PIAS2: variants seen among roughly 807,000 people sequenced by gnomAD.
PIAS2 encodes E3 SUMO-protein ligase PIAS2.
PIAS2 carries 19 observed loss-of-function variants against 69.7 expected under a neutral mutation model. The observed-to-expected ratio is 0.27, with a 90% CI of 0.19 to 0.40. PIAS2 has a LOEUF of 0.40. Among genes scored for constraint, PIAS2 ranks in the 10% least tolerant of loss-of-function variants. The pLI is 1.00. For missense variants in PIAS2, 624 were observed against 757.0 expected (o/e 0.82, Z 2.06); for synonymous variants, 261 against 263.2 (o/e 0.99, Z 0.08).
intron 3 of PIAS2, among the ~76,000 whole-genome samples, chr18:46,859,880 A>G (rs983726471): frequency 6.6e-6 from 1 of 152,226 alleles, no homozygotes; most frequent in Non-Finnish European, 1.5e-5. Flanking sequence ...GCAAGAAGAG[A>G]ATCCCAGATT....
intron 1 of PIAS2, among the ~76,000 whole-genome samples, chr18:46,913,653 G>C (rs1490794132): frequency 6.6e-6 from 1 of 152,014 alleles, no homozygotes; most frequent in Non-Finnish European, 1.5e-5. Context: ...TTAAAGTGTA[G>C]CAGGGACCTT....
intron 5 of PIAS2, chr18:46,852,529 A>G (rs2047118200): frequency 6.6e-6 from 1 of 152,228 alleles, no homozygotes; most frequent in South Asian, 2.1e-4. Context: ...TATGTTCACA[A>G]ATAGTCTAAT....
At chr18:46,818,275 C>A (rs2041782586) in intron 12 of PIAS2, 1 of 1,319,806 alleles carries the variant, frequency 7.6e-7, no homozygotes, top group Middle Eastern at 2.9e-4. Context: ...GCACCATTCG[C>A]ACCTGACAAT....
At chr18:46,880,588 C>T (rs1049339462) in intron 2 of PIAS2, among the ~76,000 whole-genome samples, 2 of 151,850 alleles carry the variant, frequency 1.3e-5, no homozygotes, top group African/African-American at 2.4e-5. Context: ...GTGAGACCCC[C>T]GTCTACTAAA....
chr18:46,863,057 T>C (rs974813972), intron 3 of PIAS2, among the ~76,000 whole-genome samples: 1 of 152,148 alleles, frequency 6.6e-6, no homozygotes, highest in African/African-American at 2.4e-5. Flanking sequence ...TTTCCTTTTC[T>C]TTCTTCTTAC....
rs1232091894 is a variant in PIAS2, at chr18:46,917,474, G to A, written c.-129C>T. 2.5e-6 allele frequency: 3 copies of A among 1,210,076 alleles called. No homozygotes were observed. The highest frequency in any genetic ancestry group is 2.1e-6 in the Non-Finnish European group (2 of 970,026). The allele number at this position is 1,210,076 out of a possible 1,614,324, so 75.0% of individuals were successfully genotyped here. On this transcript the variant is annotated 5_prime_UTR_variant, in exon 1 of 14. Transcript: ENST00000585916. ...TGCACTGGGCGCCGCTTAAGACGCC[G>A]CGGCCGCCGCCGCTACAGCCGGGCC...
intron 5 of PIAS2, among the ~76,000 whole-genome samples, chr18:46,849,710 G>A (rs2046682106): frequency 1.3e-5 from 2 of 152,060 alleles, no homozygotes; most frequent in Admixed American, 6.6e-5. Context: ...TTCTAACAAA[G>A]ATTTACTTTT....
At position 46,812,348 on chromosome 18, in the gene PIAS2, A is replaced by G. The variant is rs2041057159; in HGVS notation, c.*85T>C. 5 of 807,536 alleles carry G rather than the reference A, an allele frequency of 6.2e-6. No homozygotes were observed. In the East Asian group the frequency reaches 1.1e-4, roughly 18 times the overall value. The allele number at this position is 807,536 out of a possible 1,614,324, so 50.0% of individuals were successfully genotyped here. A position where few individuals can be genotyped will look rare whatever the true frequency, so the allele number is the denominator to read the frequency against. On this transcript the variant is annotated 3_prime_UTR_variant, in exon 14 of 14. Transcript: ENST00000585916. ...CAATAAATACCAAATTATTAAAAAAAAAAAAAAAAGAACGTTTCCACAGAC... is the reference window on the plus strand; with the variant it reads ...CAATAAATACCAAATTATTAAAAAAGAAAAAAAAAGAACGTTTCCACAGAC...
At chr18:46,868,848 T>A (rs1363584493) in intron 2 of PIAS2, among the ~76,000 whole-genome samples, 1 of 152,052 alleles carries the variant, frequency 6.6e-6, no homozygotes, top group East Asian at 1.9e-4. Flanking sequence ...AGGAGATGCG[T>A]CCCCCTGCCT....
In PIAS2 at chr18:46,808,248, C is replaced by CA. The variant is rs1568316283; in HGVS notation, c.*4184dup. ...AGCAAAGACAATGGCAAGGAAGATG[C>CA]AAAAATATCAAGTGATTTTTTCTGG... On this transcript the variant is annotated 3_prime_UTR_variant, in exon 14 of 14. Transcript: ENST00000585916. The CA allele has an allele frequency of 6.6e-6, 1 of 152,036 alleles. No homozygotes were observed. The highest frequency in any genetic ancestry group is 2.4e-5 in the African/African-American group (1 of 41,398). The allele number at this position is 152,036 out of a possible 1,614,324, so 9.4% of individuals were successfully genotyped here.
At chr18:46,912,146 G>A (rs116640407) in intron 1 of PIAS2, among the ~76,000 whole-genome samples, 360 of 152,244 alleles carry the variant, frequency 2.4e-3, no homozygotes, top group African/African-American at 8.3e-3. Flanking sequence ...GAAAGGGATC[G>A]GTGTTATATC....
At chr18:46,859,647 T>C (rs2048371389) in intron 3 of PIAS2, among the ~76,000 whole-genome samples, 1 of 152,072 alleles carries the variant, frequency 6.6e-6, no homozygotes, top group Non-Finnish European at 1.5e-5. Flanking sequence ...TATTGTCTGG[T>C]CCATAGTAGA....
At chr18:46,821,218 T>C (rs547124718) in intron 11 of PIAS2, 146 bp from the exon 12 acceptor site, 505 of 696,462 alleles carry the variant, frequency 7.3e-4, no homozygotes, top group Non-Finnish European at 8.4e-4. Context: ...CACTCCACTC[T>C]ACTCTCCTCT....
At chr18:46,813,602 G>A (rs1261888982) in intron 13 of PIAS2, among the ~76,000 whole-genome samples, 3 of 152,156 alleles carry the variant, frequency 2.0e-5, no homozygotes, top group African/African-American at 7.2e-5. Flanking sequence ...TAAAGATTAT[G>A]CAGCTTATCA....
At chr18:46,836,610 C>T (rs1412813784) in intron 8 of PIAS2, 93 bp from the exon 9 acceptor site, 3 of 784,080 alleles carry the variant, frequency 3.8e-6, no homozygotes, top group Admixed American at 4.8e-5. Flanking sequence ...AGATGTCATA[C>T]AAGAAGATGA....
chr18:46,863,487 C>T (rs927588433), intron 3 of PIAS2, among the ~76,000 whole-genome samples: 2 of 151,814 alleles, frequency 1.3e-5, no homozygotes, highest in Non-Finnish European at 2.9e-5. Flanking sequence ...CTTGTAGAGA[C>T]AGGGTTTCAC....
chr18:46,856,959 T>C (rs1201342168), intron 3 of PIAS2, among the ~76,000 whole-genome samples: 2 of 152,206 alleles, frequency 1.3e-5, no homozygotes. Context: ...ACTTAACCAT[T>C]CTGTGCCTCA....
intron 9 of PIAS2, among the ~76,000 whole-genome samples, chr18:46,830,776 C>T (rs1363953737): frequency 6.6e-6 from 1 of 152,198 alleles, no homozygotes; most frequent in Non-Finnish European, 1.5e-5. Context: ...ATCCTAGGCC[C>T]AATGTCTTCT....
At chr18:46,892,470 C>G (rs2084812550) in intron 1 of PIAS2, among the ~76,000 whole-genome samples, 1 of 152,026 alleles carries the variant, frequency 6.6e-6, no homozygotes, top group Non-Finnish European at 1.5e-5. Context: ...TCCTAGTAGT[C>G]ACATTAAAAA....
Sources: allele counts gnomAD v4.1 joint callset (sites outside exome capture counted in the v4.1 genomes callset), GRCh38; gene constraint gnomAD v4.1.1; transcripts MANE v1.5; gene names NCBI Gene and HGNC (gene_info 2026-07-23, HGNC 2026-07-21).